SEMA3D: variants seen among roughly 807,000 people sequenced by gnomAD.
The protein encoded by SEMA3D is semaphorin 3D.
SEMA3D carries 84 observed loss-of-function variants against 100.1 expected under a neutral mutation model. That is an observed-to-expected ratio of 0.84 (90% CI 0.70 to 1.01). SEMA3D has a LOEUF of 1.01. SEMA3D is among the 50% of genes least tolerant of loss of function. The probability of loss-of-function intolerance (pLI) is 0.00; values close to 1 mark genes in which losing one functional copy is unlikely to be tolerated. For synonymous variants in SEMA3D, 312 were observed against 320.7 expected, an observed-to-expected ratio of 0.97 and a Z score of 0.29; for missense variants, 875 against 934.1, an observed-to-expected ratio of 0.94 and a Z score of 0.82.
At chr7:85,013,913 T>C (rs901404548) in intron 16 of SEMA3D, among the ~76,000 whole-genome samples, 2 of 151,814 alleles carry the variant, frequency 1.3e-5, no homozygotes, top group African/African-American at 4.8e-5. Flanking sequence ...TGAGCATTCT[T>C]GTTTTTCAGC....
intron 16 of SEMA3D, among the ~76,000 whole-genome samples, chr7:85,014,093 T>C (rs1790031348): frequency 6.6e-6 from 1 of 151,800 alleles, no homozygotes; most frequent in African/African-American, 2.4e-5. Flanking sequence ...AAGTAATATT[T>C]GCTGTTGAAC....
intron 1 of SEMA3D, among the ~76,000 whole-genome samples, chr7:85,186,350 T>G (rs1562849233): frequency 6.6e-6 from 1 of 152,100 alleles, no homozygotes; most frequent in South Asian, 2.1e-4. Flanking sequence ...GAGAGCAAAG[T>G]TCCTGGACGC....
rs932823845 is a variant in SEMA3D at position 85,103,546 on chromosome 7, G to C, written c.152-5581C>G. Among the ~76,000 whole-genome samples the C allele has an allele frequency of 3.3e-5, 5 of 151,798 alleles. No individual in the cohort carries two copies. In the South Asian group the frequency reaches 1.0e-3, roughly 31 times the overall value. On this transcript the variant is annotated intron_variant, in intron 3 of 18. Coordinates refer to ENST00000284136, the MANE Select transcript of SEMA3D (RefSeq NM_001384900.1). ...TGGTTAAACAGCCCCACCCTTCCTC[G>C]GGATGTCAGCAGCACTTACCTCTAG...
Position 84,999,831 on chromosome 7 carries a change from T to A in SEMA3D, c.1943A>T (p.Tyr648Phe). The change falls in exon 19 of 19, where the codon TAT (tyrosine) becomes TTT (phenylalanine). Residue 648 changes from tyrosine to phenylalanine, a missense_variant. Coordinates refer to ENST00000284136, the MANE Select transcript of SEMA3D (RefSeq NM_001384900.1). ...KPDERIIKTE[Y>F]GLLIRSLQKK... ...CTGCAAACTTCGAATCAGTAGCCCA[T>A]ATTCCGTTTTGATGATTCTTTCATC... 6.2e-7 allele frequency: 1 copy of A among 1,613,844 alleles called. No individual in the cohort carries two copies. Among genetic ancestry groups the A allele is most frequent in the Non-Finnish European group, 8.5e-7 (1 of 1,179,880 alleles).
the SEMA3D span, among the ~76,000 whole-genome samples, chr7:85,199,045 T>C: frequency 1.3e-5 from 2 of 152,058 alleles, no homozygotes; most frequent in African/African-American, 4.8e-5. Flanking sequence ...TTCTCCTGTA[T>C]ATTAATAGAA....
At chr7:85,018,401 C>G (rs1790164417) in intron 14 of SEMA3D, 108 bp from the exon 15 acceptor site, 1 of 709,980 alleles carries the variant, frequency 1.4e-6, no homozygotes, top group African/African-American at 1.8e-5. Flanking sequence ...AACATCAAGT[C>G]TCTGTTACAT....
rs17148271 is a variant in SEMA3D at position 85,012,347 on chromosome 7, T to G, written c.1768+435A>C. 6.8e-3 allele frequency among the ~76,000 whole-genome samples: 1,029 copies of G among 151,890 alleles called. 10 individuals are homozygous for G. Among genetic ancestry groups the G allele is most frequent in the African/African-American group, 0.023 (974 of 41,508 alleles). ...TTGATTAAGTGAATATATGATTTGA[T>G]AGGTGAATATAAATAAAGTATAGAC... is the stretch of plus-strand genomic sequence containing the variant. On this transcript the variant is annotated intron_variant, in intron 17 of 18. Coordinates refer to ENST00000284136, the MANE Select transcript of SEMA3D (RefSeq NM_001384900.1).
At chr7:85,185,131 G>A (rs1447866916) in intron 1 of SEMA3D, among the ~76,000 whole-genome samples, 3 of 152,186 alleles carry the variant, frequency 2.0e-5, no homozygotes, top group Admixed American at 2.0e-4. Context: ...CATCACTGGA[G>A]TGATGACATG....
At chr7:85,155,383 A>C (rs1790561030) in intron 1 of SEMA3D, among the ~76,000 whole-genome samples, 1 of 152,154 alleles carries the variant, frequency 6.6e-6, no homozygotes, top group Non-Finnish European at 1.5e-5. Flanking sequence ...CTTATCCATT[A>C]GAGTTTAGTG....
intron 4 of SEMA3D, among the ~76,000 whole-genome samples, chr7:85,087,340 A>T (rs1262294709): frequency 2.6e-5 from 4 of 152,236 alleles, no homozygotes; most frequent in Non-Finnish European, 4.4e-5. Flanking sequence ...TTTTAAGGAT[A>T]TAATTTTGGT....
intron 12 of SEMA3D, among the ~76,000 whole-genome samples, chr7:85,035,169 C>T (rs1790658385): frequency 6.6e-6 from 1 of 150,736 alleles, no homozygotes; most frequent in Admixed American, 6.6e-5. Flanking sequence ...GATTATATAT[C>T]ATATATCCTA....
chr7:85,121,778 C>T lies in SEMA3D; in HGVS notation c.114G>A (p.Leu38=), dbSNP rs768231804. ...TMLFLPVTGT[L]KQNIPRLKLT... ...GCTTGAGTCTTGGAATATTTTGCTT[C>T]AAAGTGCCAGTGACTGGAAGAAACA... The change falls in exon 3 of 19, where the codon TTG becomes TTA. Residue 38 remains leucine, a synonymous_variant. Transcript: ENST00000284136. 3.7e-6 allele frequency: 6 copies of T among 1,604,996 alleles called. No homozygotes were observed. Among genetic ancestry groups the T allele is most frequent in the Admixed American group, 3.4e-5 (2 of 58,590 alleles).
At chr7:85,079,563 T>C (rs982445745) in intron 5 of SEMA3D, among the ~76,000 whole-genome samples, 5 of 152,180 alleles carry the variant, frequency 3.3e-5, no homozygotes, top group African/African-American at 1.2e-4. Context: ...ACCATTTGCT[T>C]TAACTTAATA....
chr7:85,190,155 T>C (rs529250296), upstream of SEMA3D, among the ~76,000 whole-genome samples: 99 of 152,232 alleles, frequency 6.5e-4, no homozygotes, highest in African/African-American at 2.2e-3. Context: ...CCTAGTTCTC[T>C]CTGAACAGTT....
intron 5 of SEMA3D, among the ~76,000 whole-genome samples, chr7:85,074,984 T>C (rs909934492): frequency 1.3e-5 from 2 of 152,174 alleles, no homozygotes; most frequent in Non-Finnish European, 2.9e-5. Context: ...GATAAAAGTA[T>C]GAAAATGTAC....
intron 1 of SEMA3D, among the ~76,000 whole-genome samples, chr7:85,184,866 G>A (rs1286333539): frequency 6.6e-6 from 1 of 152,146 alleles, no homozygotes; most frequent in African/African-American, 2.4e-5. Flanking sequence ...TATCCGCTGG[G>A]GCGAGTCTCA....
intron 1 of SEMA3D, among the ~76,000 whole-genome samples, chr7:85,160,829 T>C (rs1349896842): frequency 6.6e-6 from 1 of 152,166 alleles, no homozygotes; most frequent in Non-Finnish European, 1.5e-5. Context: ...AGTACCTCTC[T>C]GCAAACCAGT....
At chr7:85,192,582 C>T in the SEMA3D span, among the ~76,000 whole-genome samples, 12,917 of 152,034 alleles carry the variant, frequency 0.085, 1,337 homozygotes, top group East Asian at 0.3. Context: ...CCCAATTTAA[C>T]GTCGGAGCTA....
At chr7:85,109,694 T>C (rs1225885485) in intron 3 of SEMA3D, among the ~76,000 whole-genome samples, 3 of 151,970 alleles carry the variant, frequency 2.0e-5, no homozygotes, top group Admixed American at 6.6e-5. Context: ...TTTTCAAATC[T>C]TCTGTTTAAA....
Sources: gnomAD v4.1 joint callset for allele counts (sites outside exome capture counted in the v4.1 genomes callset) on GRCh38, gnomAD v4.1.1 for gene constraint, MANE v1.5 for transcripts, NCBI Gene and HGNC (gene_info 2026-07-23, HGNC 2026-07-21) for gene names.